The following ZNF680 variants were observed in gnomAD, a reference collection of about 807,000 sequenced individuals.
The protein encoded by ZNF680 is hypothetical protein FLJ90430.
Under a neutral mutation model 12.1 loss-of-function variants are expected in ZNF680, and 6 were observed. The observed-to-expected ratio is 0.49, with a 90% CI of 0.27 to 0.98. The LOEUF (loss-of-function observed/expected upper bound fraction) is 0.98. Among genes scored for constraint, ZNF680 ranks in the 50% least tolerant of loss-of-function variants. The pLI is 0.12. For missense variants in ZNF680, 561 were observed against 616.3 expected, an observed-to-expected ratio of 0.91 and a Z score of 0.95; for synonymous variants, 170 against 199.3, an observed-to-expected ratio of 0.85 and a Z score of 1.24.
intron 3 of ZNF680, among the ~76,000 whole-genome samples, chr7:64,530,776 T>C (rs1009387622): frequency 6.6e-6 from 1 of 151,700 alleles, no homozygotes; most frequent in African/African-American, 2.4e-5. Context: ...GAGAACTGCT[T>C]GAACCCAGGA....
At chr7:64,539,207 T>A in intron 3 of ZNF680, among the ~76,000 whole-genome samples, 1 of 138,584 alleles carries the variant, frequency 7.2e-6, no homozygotes, top group African/African-American at 2.7e-5. Flanking sequence ...AAAAGTAACA[T>A]ATGTATACAA....
chr7:64,526,848 T>C (rs1441033572), intron 3 of ZNF680, among the ~76,000 whole-genome samples: 2 of 152,238 alleles, frequency 1.3e-5, no homozygotes, highest in Non-Finnish European at 2.9e-5. Flanking sequence ...CTTTAAGATG[T>C]TTTATGTAAT....
chr7:64,508,839 C>T, the ZNF680 span, among the ~76,000 whole-genome samples: 1 of 152,110 alleles, frequency 6.6e-6, no homozygotes, highest in Non-Finnish European at 1.5e-5. Context: ...GTTTCTGCAA[C>T]CTAAAGATAT....
the ZNF680 span, among the ~76,000 whole-genome samples, chr7:64,514,368 C>A: frequency 6.6e-6 from 1 of 150,700 alleles, no homozygotes; most frequent in Non-Finnish European, 1.5e-5. Context: ...TTATAAGCCA[C>A]AAAAATAACC....
rs375559045 is a variant in ZNF680, at chr7:64,562,981, C to T, written c.-27G>A. 135 of 1,613,122 alleles carry T rather than the reference C, an allele frequency of 8.4e-5. 1 individual carries two copies. In the African/African-American group the frequency reaches 1.6e-3, roughly 20 times the overall value. On this transcript the variant is annotated 5_prime_UTR_variant, in exon 1 of 4. Coordinates refer to ENST00000309683, the MANE Select transcript of ZNF680 (RefSeq NM_178558.5). Reference sequence around the variant, plus strand: ...TTAGCTGTGCATCTCCCAATACCTGCAGATAACGGAGTCACAGAGGCTGGG... The same window carrying T: ...TTAGCTGTGCATCTCCCAATACCTGTAGATAACGGAGTCACAGAGGCTGGG...
At chr7:64,510,930 AAAAAAT>A in the ZNF680 span, among the ~76,000 whole-genome samples, 8 of 18,384 alleles carry the variant, frequency 4.4e-4, 3 homozygotes, top group Non-Finnish European at 6.5e-4. Flanking sequence ...AATAAAAAAT[AAAAAAT>A]AAAAATAAAA....
chr7:64,534,812 G>T (rs1273273440), intron 3 of ZNF680, among the ~76,000 whole-genome samples: 3 of 152,002 alleles, frequency 2.0e-5, no homozygotes, highest in Non-Finnish European at 4.4e-5. Context: ...ATATATATAG[G>T]ATACTACTCA....
At chr7:64,561,500 G>A (rs906853466) in intron 1 of ZNF680, among the ~76,000 whole-genome samples, 2 of 152,116 alleles carry the variant, frequency 1.3e-5, no homozygotes, top group African/African-American at 2.4e-5. Context: ...GAAAAGAGGC[G>A]CAGAGATTTT....
chr7:64,521,451 T>G lies in ZNF680; in HGVS notation c.1303A>C (p.Lys435Gln), dbSNP rs1316735920. ...KRIHTRENTY[K>Q]CEECGKGFTL... Reference sequence around the variant, plus strand: ...AAGCCTTTGCCACATTCTTCACATTTGTAGGTATTCTCTCTAGTGTGAATT... The same window carrying G: ...AAGCCTTTGCCACATTCTTCACATTGGTAGGTATTCTCTCTAGTGTGAATT... Residue 435 changes from lysine (K) to glutamine (Q), a missense_variant, in exon 4 of 4, where the codon AAA becomes CAA. Coordinates refer to ENST00000309683, the MANE Select transcript of ZNF680 (RefSeq NM_178558.5). 1.2e-6 allele frequency: 2 copies of G among 1,613,512 alleles called. No homozygotes were observed. Among genetic ancestry groups the G allele is most frequent in the East Asian group, 2.2e-5 (1 of 44,860 alleles).
chr7:64,542,242 T>G (rs912178906), intron 3 of ZNF680, among the ~76,000 whole-genome samples: 1 of 152,130 alleles, frequency 6.6e-6, no homozygotes, highest in African/African-American at 2.4e-5. Flanking sequence ...AAAAAAAATC[T>G]TTACCTTCTA....
chr7:64,534,198 C>T (rs980180547), intron 3 of ZNF680, among the ~76,000 whole-genome samples: 1 of 152,066 alleles, frequency 6.6e-6, no homozygotes, highest in African/African-American at 2.4e-5. Flanking sequence ...TTTTGCACAG[C>T]AAAAGGAACA....
intron 3 of ZNF680, chr7:64,526,634 C>A: frequency 3.1e-6 from 1 of 323,144 alleles, no homozygotes; most frequent in Non-Finnish European, 5.6e-6. Context: ...TAAATATACA[C>A]ACACACATAC....
chr7:64,501,314 C>T, the ZNF680 span: 1 of 1,175,942 alleles, frequency 8.5e-7, no homozygotes. Context: ...TCAGAAAACA[C>T]CTCATGAAGG....
intron 1 of ZNF680, among the ~76,000 whole-genome samples, chr7:64,552,359 A>C (rs1413030348): frequency 6.6e-6 from 1 of 152,198 alleles, no homozygotes; most frequent in East Asian, 1.9e-4. Context: ...GGTCACCACC[A>C]GCACTTTTTG....
At chr7:64,554,274 G>A (rs1369202654) in intron 1 of ZNF680, among the ~76,000 whole-genome samples, 3 of 151,090 alleles carry the variant, frequency 2.0e-5, no homozygotes, top group African/African-American at 7.3e-5. Context: ...CTGCCCTGCC[G>A]CCAACCCGTC....
chr7:64,535,681 T>C (rs1786127555), intron 3 of ZNF680, among the ~76,000 whole-genome samples: 2 of 152,054 alleles, frequency 1.3e-5, no homozygotes, highest in South Asian at 4.1e-4. Flanking sequence ...CGGTGGCTCA[T>C]GCCTGTAATC....
downstream of ZNF680, among the ~76,000 whole-genome samples, chr7:64,518,999 T>TA (rs1409073674): frequency 3.3e-5 from 5 of 152,148 alleles, no homozygotes; most frequent in Admixed American, 1.3e-4. Context: ...AGATGGGGCT[T>TA]AATTAAACTA....
chr7:64,512,213 G>A, the ZNF680 span, among the ~76,000 whole-genome samples: 1 of 152,004 alleles, frequency 6.6e-6, no homozygotes, highest in African/African-American at 2.4e-5. Flanking sequence ...ACTTTGGGAG[G>A]TCAAGGCAGG....
At chr7:64,562,654 A>G (rs1044780731) in intron 1 of ZNF680, among the ~76,000 whole-genome samples, 1 of 152,224 alleles carries the variant, frequency 6.6e-6, no homozygotes, top group African/African-American at 2.4e-5. Flanking sequence ...ATCGGCAGAG[A>G]TGCGGCACTG....
Sources: gnomAD v4.1 joint callset for allele counts (sites outside exome capture counted in the v4.1 genomes callset) on GRCh38, gnomAD v4.1.1 for gene constraint, MANE v1.5 for transcripts, NCBI Gene and HGNC (gene_info 2026-07-23, HGNC 2026-07-21) for gene names.